NELL1: variants seen among roughly 807,000 people sequenced by gnomAD.
The protein encoded by NELL1 is neural EGFL like 1.
Under a neutral mutation model 107.4 loss-of-function variants are expected in NELL1, and 76 were observed. That is an observed-to-expected ratio of 0.71 (90% CI 0.59 to 0.86). The LOEUF (loss-of-function observed/expected upper bound fraction) is 0.86, where lower values mean the gene tolerates loss of function less well. Ranked by LOEUF, NELL1 falls within the 40% of genes least tolerant of loss-of-function variation. The pLI is 0.00. For synonymous variants in NELL1, 353 were observed against 341.2 expected, an observed-to-expected ratio of 1.03 and a Z score of -0.38; for missense variants, 1,024 against 1,005.5, an observed-to-expected ratio of 1.02 and a Z score of -0.25.
At chr11:21,016,667 C>T (rs1315668112) in intron 12 of NELL1, among the ~76,000 whole-genome samples, 1 of 152,112 alleles carries the variant, frequency 6.6e-6, no homozygotes. Context: ...GTTACTGCCA[C>T]ATGTCCTATC....
intron 13 of NELL1, among the ~76,000 whole-genome samples, chr11:21,190,508 T>C (rs1857027704): frequency 6.6e-6 from 1 of 151,840 alleles, no homozygotes; most frequent in Non-Finnish European, 1.5e-5. Context: ...TGACCCTAGA[T>C]TGGGTCACAT....
intron 9 of NELL1, among the ~76,000 whole-genome samples, chr11:20,933,778 A>G (rs1384137805): frequency 2.0e-5 from 3 of 152,192 alleles, no homozygotes; most frequent in Non-Finnish European, 2.9e-5. Context: ...AAATGGCAAA[A>G]TTGTCCAATC....
At chr11:21,152,808 A>G (rs1441555271) in intron 13 of NELL1, among the ~76,000 whole-genome samples, 2 of 152,114 alleles carry the variant, frequency 1.3e-5, no homozygotes, top group African/African-American at 2.4e-5. Flanking sequence ...GAGATACTTC[A>G]TCTTTGTATT....
chr11:21,490,458 CAAA>C (rs66826369), intron 15 of NELL1, among the ~76,000 whole-genome samples: 39,588 of 110,398 alleles, frequency 0.36, 6,153 homozygotes, highest in Middle Eastern at 0.48. Flanking sequence ...TGTATGGAAC[CAAA>C]AAAAAAAAAA....
chr11:21,556,250 G>A (rs902879877), intron 16 of NELL1, among the ~76,000 whole-genome samples: 4 of 151,854 alleles, frequency 2.6e-5, no homozygotes, highest in African/African-American at 7.2e-5. Context: ...ATATTCAAAC[G>A]CTGGGTAAAC....
At chr11:21,404,269 G>C (rs1287230530) in intron 15 of NELL1, among the ~76,000 whole-genome samples, 4 of 151,706 alleles carry the variant, frequency 2.6e-5, no homozygotes, top group African/African-American at 4.8e-5. Context: ...CCTTTTACTG[G>C]ACCCACAGTA....
chr11:20,971,219 A>C (rs1107084), intron 12 of NELL1, among the ~76,000 whole-genome samples: 1 of 152,134 alleles, frequency 6.6e-6, no homozygotes, highest in Non-Finnish European at 1.5e-5. Context: ...ACCTTAAAAA[A>C]TCATGCTGAG....
intron 3 of NELL1, among the ~76,000 whole-genome samples, chr11:20,798,927 G>A (rs1857227287): frequency 6.6e-6 from 1 of 152,210 alleles, no homozygotes; most frequent in Non-Finnish European, 1.5e-5. Context: ...TGTGTAAGGG[G>A]CCTGTCCTCA....
chr11:21,330,264 G>A (rs1437729471), intron 14 of NELL1, among the ~76,000 whole-genome samples: 6 of 151,994 alleles, frequency 3.9e-5, no homozygotes, highest in African/African-American at 9.7e-5. Context: ...GAGAAAAAAG[G>A]AAAATATGCA....
At chr11:21,284,659 C>T (rs1849076020) in intron 14 of NELL1, 4 of 388,302 alleles carry the variant, frequency 1.0e-5, no homozygotes, top group Non-Finnish European at 2.1e-5. Flanking sequence ...ATTGGTGGGG[C>T]AGGCCTTGTG....
chr11:21,219,074 G>A (rs1210736119), intron 13 of NELL1, among the ~76,000 whole-genome samples: 1 of 151,996 alleles, frequency 6.6e-6, no homozygotes, highest in African/African-American at 2.4e-5. Context: ...TTTTGATAAG[G>A]GTTGTACTAA....
intron 17 of NELL1, among the ~76,000 whole-genome samples, chr11:21,566,845 A>T (rs570833993): frequency 7.9e-5 from 12 of 152,024 alleles, no homozygotes; most frequent in Non-Finnish European, 1.5e-4. Flanking sequence ...TTTTCTTGAC[A>T]GTTACCCTGT....
At chr11:20,686,809 CTCCAAGTAGAGAAGCTGACCA>C (rs1417032917) in intron 2 of NELL1, among the ~76,000 whole-genome samples, 2 of 152,108 alleles carry the variant, frequency 1.3e-5, no homozygotes, top group Admixed American at 6.6e-5. Flanking sequence ...TCAGTGCCCT[CTCCAAGTAGAGAAGCTGACCA>C]AAACTCTAGG....
At chr11:21,325,368 C>G (rs2133675083) in intron 14 of NELL1, among the ~76,000 whole-genome samples, 1 of 152,162 alleles carries the variant, frequency 6.6e-6, no homozygotes, top group East Asian at 1.9e-4. Context: ...TTTATTTCCT[C>G]TAAATAGATC....
intron 4 of NELL1, among the ~76,000 whole-genome samples, chr11:20,876,512 T>A (rs1483672107): frequency 6.6e-6 from 1 of 152,174 alleles, no homozygotes; most frequent in Admixed American, 6.5e-5. Flanking sequence ...ATGCCTGTAA[T>A]CCCAGCACTT....
chr11:21,193,170 T>C (rs1382163261), intron 13 of NELL1, among the ~76,000 whole-genome samples: 1 of 151,806 alleles, frequency 6.6e-6, no homozygotes. Context: ...AAATTTAGAT[T>C]GAGTAGGTAA....
chr11:21,205,658 A>G (rs1857374239), intron 13 of NELL1, among the ~76,000 whole-genome samples: 1 of 152,154 alleles, frequency 6.6e-6, no homozygotes, highest in South Asian at 2.1e-4. Flanking sequence ...TGCCACTGGG[A>G]TATGAAAAAA....
At chr11:21,319,709 G>A (rs1041439878) in intron 14 of NELL1, among the ~76,000 whole-genome samples, 1 of 151,626 alleles carries the variant, frequency 6.6e-6, no homozygotes, top group Non-Finnish European at 1.5e-5. Flanking sequence ...CAGCACTTTG[G>A]GAGGCCGAGG....
At chr11:20,942,738 T>C (rs1394005647) in intron 10 of NELL1, among the ~76,000 whole-genome samples, 3 of 152,202 alleles carry the variant, frequency 2.0e-5, no homozygotes, top group African/African-American at 7.2e-5. Flanking sequence ...GATTCTAAAA[T>C]TGTTGCTTTT....
Sources: gnomAD v4.1 joint callset for allele counts (sites outside exome capture counted in the v4.1 genomes callset) on GRCh38, gnomAD v4.1.1 for gene constraint, MANE v1.5 for transcripts, NCBI Gene and HGNC (gene_info 2026-07-23, HGNC 2026-07-21) for gene names.